The following SYT10 variants were observed in gnomAD, a reference collection of about 807,000 sequenced individuals.
SYT10 encodes synaptotagmin-10.
Under a neutral mutation model 51.1 loss-of-function variants are expected in SYT10, and 31 were observed. The ratio of observed to expected loss-of-function variants is 0.61; its 90% CI spans 0.46 to 0.82. The LOEUF is 0.82. Ranked by LOEUF, SYT10 falls within the 40% of genes least tolerant of loss-of-function variation. The pLI is 0.00. For synonymous variants in SYT10, 233 were observed against 225.9 expected (o/e 1.03, Z -0.28); for missense variants, 603 against 634.0 (o/e 0.95, Z 0.53).
At position 33,407,661 on chromosome 12, in the gene SYT10, G is replaced by A. The variant is rs531954282; in HGVS notation, c.510-305C>T. On this transcript the variant is annotated intron_variant, in intron 2 of 6. Coordinates refer to ENST00000228567, the MANE Select transcript of SYT10 (RefSeq NM_198992.4). The stretch of plus-strand genomic sequence containing the variant: ...TGTTCTGTCACCCTAGCTGGAGTAC[G>A]GTAGTGCTATTATAGCTCACTGTAG... The A allele has an allele frequency of 1.8e-5, 5 of 282,176 alleles. No individual in the cohort carries two copies. In the East Asian group the frequency reaches 3.2e-4, roughly 18 times the overall value. The allele number at this position is 282,176 out of a possible 1,614,324, so 17.5% of individuals were successfully genotyped here.
intron 3 of SYT10, among the ~76,000 whole-genome samples, chr12:33,394,056 A>T (rs1199547908): frequency 6.6e-6 from 1 of 152,178 alleles, no homozygotes; most frequent in East Asian, 1.9e-4. Context: ...AGTAGATTAT[A>T]CATTAGAACA....
At chr12:33,415,743 T>A (rs1866447549) in intron 2 of SYT10, among the ~76,000 whole-genome samples, 1 of 152,184 alleles carries the variant, frequency 6.6e-6, no homozygotes, top group Non-Finnish European at 1.5e-5. Context: ...TTTTATTCTG[T>A]TTCCTATTTT....
In SYT10 at chr12:33,385,273, C is replaced by T; in HGVS notation, c.1096G>A (p.Glu366Lys). 1 of 1,613,604 alleles carries T rather than the reference C, an allele frequency of 6.2e-7. No individual in the cohort carries two copies. Among genetic ancestry groups the T allele is most frequent in the Non-Finnish European group, 8.5e-7 (1 of 1,179,720 alleles). Residue 366 changes from glutamate to lysine, a missense_variant, in exon 4 of 7, where the codon GAA becomes AAA. By Grantham distance (56) the Glu-to-Lys change is moderately conservative (BLOSUM62 1). Coordinates refer to ENST00000228567, the MANE Select transcript of SYT10 (RefSeq NM_198992.4). ...CATTESIDLG[E>K]IMFSLCYLPT... ...AGGTAACAAAGGGAAAACATGATTT[C>T]ACCCAGGTCTATACTTTCCTAGAAA...
chr12:33,392,261 G>A (rs1247203180), intron 3 of SYT10, among the ~76,000 whole-genome samples: 1 of 152,054 alleles, frequency 6.6e-6, no homozygotes, highest in Non-Finnish European at 1.5e-5. Context: ...TTACATATCT[G>A]GTAATTTCCC....
intron 3 of SYT10, among the ~76,000 whole-genome samples, chr12:33,389,885 G>A (rs1348968778): frequency 6.6e-6 from 1 of 152,140 alleles, no homozygotes; most frequent in African/African-American, 2.4e-5. Flanking sequence ...TGGGTCTATT[G>A]GACTCAAACC....
rs776089898 is a variant in SYT10 at position 33,406,827 on chromosome 12, C to T, written c.1039G>A (p.Glu347Lys). ...NLFEVSDLSR[E>K]ATVWKDIHCA... Reference sequence around the variant, plus strand: ...TGAATATCTTTCCATACTGTGGCTTCCCTGGAGAGATCAGAGACTTCAAAC... The same window carrying T: ...TGAATATCTTTCCATACTGTGGCTTTCCTGGAGAGATCAGAGACTTCAAAC... The change falls in exon 3 of 7, where the codon GAA becomes AAA. Residue 347 changes from glutamate to lysine, a missense_variant. Coordinates refer to ENST00000228567, the MANE Select transcript of SYT10 (RefSeq NM_198992.4). The T allele has an allele frequency of 2.5e-6, 4 of 1,613,660 alleles. No individual in the cohort carries two copies. Among genetic ancestry groups the T allele is most frequent in the Non-Finnish European group, 3.4e-6 (4 of 1,179,932 alleles).
rs1372987532 is a variant in SYT10, at chr12:33,379,961, C to A, written c.1371G>T (p.Arg457Ser). 2 of 1,600,126 alleles carry A rather than the reference C, an allele frequency of 1.2e-6. No individual in the cohort carries two copies. Among genetic ancestry groups the A allele is most frequent in the Non-Finnish European group, 1.7e-6 (2 of 1,172,258 alleles). ...CTCCTATGACCTCATTGTGTCCTAC[C>A]CTATGATTTGTGGGATATTATATTT... ...SLSIAVMDYDRVGHNEVIGVC... is the reference protein window; with the variant it reads ...SLSIAVMDYDSVGHNEVIGVC... Residue 457 changes from arginine (R) to serine (S), a missense_variant and splice_region_variant, in exon 6 of 7, where the codon AGG becomes AGT. Arg to Ser is a moderately radical substitution (Grantham distance 110). Transcript: ENST00000228567.
intron 2 of SYT10, 112 bp from the exon 3 acceptor site, chr12:33,407,468 T>TGTAG: frequency 2.6e-5 from 29 of 1,107,768 alleles, no homozygotes; most frequent in Non-Finnish European, 3.5e-5. Context: ...AAGATATCTA[T>TGTAG]ATCTACATAG....
intron 3 of SYT10, among the ~76,000 whole-genome samples, chr12:33,402,113 C>T (rs1244311112): frequency 6.6e-6 from 1 of 152,130 alleles, no homozygotes; most frequent in Non-Finnish European, 1.5e-5. Context: ...CACAATCTCC[C>T]ACTCTGATCC....
intron 2 of SYT10, among the ~76,000 whole-genome samples, chr12:33,409,082 ACC>A (rs1866383497): frequency 6.6e-6 from 1 of 151,648 alleles, no homozygotes; most frequent in Non-Finnish European, 1.5e-5. Context: ...CAGTCAGTGC[ACC>A]CTCAGAACAC....
intron 1 of SYT10, among the ~76,000 whole-genome samples, chr12:33,436,791 T>C (rs903148991): frequency 1.3e-5 from 2 of 152,208 alleles, no homozygotes; most frequent in African/African-American, 4.8e-5. Context: ...ATTTTGGAGC[T>C]TGTAATTATC....
intron 4 of SYT10, among the ~76,000 whole-genome samples, chr12:33,383,493 C>T (rs559420320): frequency 6.6e-5 from 10 of 152,132 alleles, no homozygotes; most frequent in East Asian, 5.8e-4. Flanking sequence ...GCAAGGTATT[C>T]GTGGCTGGAA....
At chr12:33,406,728 A>G in intron 3 of SYT10, 61 bp downstream of exon 3, 1 of 1,366,330 alleles carries the variant, frequency 7.3e-7, no homozygotes, top group Non-Finnish European at 9.9e-7. Context: ...TTGGGTAATA[A>G]TTAGTCACAT....
chr12:33,411,531 C>T (rs73089926), intron 2 of SYT10, among the ~76,000 whole-genome samples: 7,162 of 151,914 alleles, frequency 0.047, 238 homozygotes, highest in Admixed American at 0.072. Context: ...ATTTGTAAGG[C>T]GATTTGTGGT....
At chr12:33,382,110 A>G (rs1209004813) in intron 5 of SYT10, among the ~76,000 whole-genome samples, 1 of 152,180 alleles carries the variant, frequency 6.6e-6, no homozygotes, top group Non-Finnish European at 1.5e-5. Context: ...AATATGTTCT[A>G]TACTACTTCT....
chr12:33,399,038 T>C (rs2138405637), intron 3 of SYT10, among the ~76,000 whole-genome samples: 1 of 152,258 alleles, frequency 6.6e-6, no homozygotes, highest in Non-Finnish European at 1.5e-5. Flanking sequence ...AAGGATATAG[T>C]GGGGAAGCTA....
chr12:33,390,890 C>T (rs1420692816), intron 3 of SYT10, among the ~76,000 whole-genome samples: 3 of 152,110 alleles, frequency 2.0e-5, no homozygotes, highest in Non-Finnish European at 4.4e-5. Context: ...CAAGCTTTAA[C>T]GATAACACAG....
intron 6 of SYT10, 85 bp downstream of exon 6, chr12:33,379,747 A>T (rs1380927795): frequency 1.3e-6 from 2 of 1,522,408 alleles, no homozygotes; most frequent in Non-Finnish European, 1.8e-6. Flanking sequence ...GAATACATAA[A>T]ATATCAGATA....
rs116988526 is a variant in SYT10 at position 33,439,811 on chromosome 12, G to T, written c.-289C>A. 23,004 of 426,324 alleles carry T rather than the reference G, an allele frequency of 0.054. 800 individuals are homozygous for T. Among genetic ancestry groups the T allele is most frequent in the South Asian group, 0.079 (2,646 of 33,690 alleles). 26.4% of individuals were successfully genotyped at this position (426,324 alleles called of 1,614,324 possible). ...GAGGCGCGCTGGAACTAGAGACCCGGCATGGAGTGCTGAGGGGAGGGGGGA... is the reference window on the plus strand; with the variant it reads ...GAGGCGCGCTGGAACTAGAGACCCGTCATGGAGTGCTGAGGGGAGGGGGGA... On this transcript the variant is annotated 5_prime_UTR_variant, in exon 1 of 7. Transcript: ENST00000228567.
Sources: gnomAD v4.1 joint callset for allele counts (sites outside exome capture counted in the v4.1 genomes callset) on GRCh38, gnomAD v4.1.1 for gene constraint, MANE v1.5 for transcripts, NCBI Gene and HGNC (gene_info 2026-07-23, HGNC 2026-07-21) for gene names.